The following CYSTM1 variants were observed in gnomAD, a reference collection of about 807,000 sequenced individuals.
CYSTM1 encodes cysteine-rich transmembrane module-containing protein 1.
A neutral mutation model predicts 13.1 loss-of-function variants in CYSTM1; 4 were observed. The observed-to-expected ratio is 0.31, with a 90% CI of 0.15 to 0.70. CYSTM1 has a LOEUF of 0.70. Ranked by LOEUF, CYSTM1 falls within the 30% of genes least tolerant of loss-of-function variation. The pLI is 0.72. For synonymous variants in CYSTM1, 36 were observed against 42.7 expected (o/e 0.84, Z 0.62); for missense variants, 96 against 121.6 (o/e 0.79, Z 0.99).
chr5:140,236,176 G>T (rs1174445339), intron 2 of CYSTM1, among the ~76,000 whole-genome samples: 1 of 152,186 alleles, frequency 6.6e-6, no homozygotes, highest in African/African-American at 2.4e-5. Flanking sequence ...CAAAAATAAA[G>T]TGAATTATTT....
intron 2 of CYSTM1, among the ~76,000 whole-genome samples, chr5:140,233,622 C>T (rs1466373370): frequency 6.6e-6 from 1 of 152,204 alleles, no homozygotes; most frequent in Admixed American, 6.5e-5. Context: ...GTTCCGGTGG[C>T]TCTGCATCTT....
chr5:140,211,308 C>G (rs1267476552), intron 2 of CYSTM1, among the ~76,000 whole-genome samples: 1 of 152,168 alleles, frequency 6.6e-6, no homozygotes, highest in Non-Finnish European at 1.5e-5. Flanking sequence ...AGTGATGGAG[C>G]TGAGATTCAA....
At chr5:140,217,073 C>A (rs762586442) in intron 2 of CYSTM1, among the ~76,000 whole-genome samples, 7 of 152,100 alleles carry the variant, frequency 4.6e-5, no homozygotes, top group Non-Finnish European at 7.4e-5. Flanking sequence ...AAAAAAAAAT[C>A]TCCATTAGGC....
chr5:140,236,241 G>C (rs1212288727), intron 2 of CYSTM1, among the ~76,000 whole-genome samples: 2 of 152,072 alleles, frequency 1.3e-5, no homozygotes, highest in African/African-American at 2.4e-5. Context: ...AACTCATCTG[G>C]ATAGAACCCA....
rs749536994 is a variant in CYSTM1, at chr5:140,243,455, C to T, written c.*44C>T. The T allele has an allele frequency of 8.3e-6, 13 of 1,557,358 alleles. No individual in the cohort carries two copies. Among genetic ancestry groups the T allele is most frequent in the Admixed American group, 6.8e-5 (4 of 58,450 alleles). On this transcript the variant is annotated 3_prime_UTR_variant, in exon 3 of 3. Coordinates refer to ENST00000261811, the MANE Select transcript of CYSTM1 (RefSeq NM_032412.4). ...CCTGTCCTGCCAGCTCTGCTGCCAC[C>T]TCTGACAGGTGTGCCTGCCCCCATC...
chr5:140,179,128 T>C (rs551311510), intron 1 of CYSTM1, among the ~76,000 whole-genome samples: 4 of 151,276 alleles, frequency 2.6e-5, no homozygotes, highest in South Asian at 2.1e-4. Context: ...GGGCATGTGG[T>C]ATGTGCCTGT....
At chr5:140,208,742 GAA>G (rs1198392054) in intron 2 of CYSTM1, among the ~76,000 whole-genome samples, 7 of 152,094 alleles carry the variant, frequency 4.6e-5, no homozygotes, top group Admixed American at 2.6e-4. Context: ...TATTTTTAAA[GAA>G]TTAAGGTCTT....
chr5:140,178,466 T>TTC (rs1491141331), intron 1 of CYSTM1, among the ~76,000 whole-genome samples: 1 of 111,098 alleles, frequency 9.0e-6, no homozygotes, highest in Admixed American at 9.2e-5. Flanking sequence ...TTTTTTTTTT[T>TTC]CAGAAACAGG....
intron 1 of CYSTM1, among the ~76,000 whole-genome samples, chr5:140,185,005 G>A (rs770217759): frequency 3.9e-5 from 6 of 152,186 alleles, no homozygotes; most frequent in Non-Finnish European, 7.3e-5. Context: ...ACATCTTTGT[G>A]TTATCTTAAT....
At chr5:140,182,564 C>T (rs1018751397) in intron 1 of CYSTM1, among the ~76,000 whole-genome samples, 5 of 151,196 alleles carry the variant, frequency 3.3e-5, no homozygotes, top group African/African-American at 4.9e-5. Flanking sequence ...TCTGTGCCAG[C>T]GTGCTCTTAG....
At position 140,193,847 on chromosome 5, in the gene CYSTM1, G is replaced by T. The variant is rs186283873; in HGVS notation, c.-20-599G>T. Among the ~76,000 whole-genome samples, 3 of 152,340 alleles carry T rather than the reference G, an allele frequency of 2.0e-5. No individual in the cohort carries two copies. The East Asian group carries it at 5.8e-4, about 29-fold the overall frequency. ...CTTGGCATTCTCTATAAACAGCGCT[G>T]TCCAACTGCTCAGAGCAGCGGGTCT... On this transcript the variant is annotated intron_variant, in intron 1 of 2. Transcript: ENST00000261811.
chr5:140,228,687 T>A (rs1480676757), intron 2 of CYSTM1: 1 of 398,804 alleles, frequency 2.5e-6, no homozygotes, highest in African/African-American at 2.1e-5. Flanking sequence ...CCCCTCTGAC[T>A]GGGTCTCTCT....
intron 2 of CYSTM1, among the ~76,000 whole-genome samples, chr5:140,238,476 C>G (rs1764710406): frequency 6.6e-6 from 1 of 152,208 alleles, no homozygotes; most frequent in Non-Finnish European, 1.5e-5. Context: ...CTATCACTCT[C>G]CCACTCAGCA....
rs1764717369 is a variant in CYSTM1, at chr5:140,239,067, T to C, written c.188-4238T>C. ...GAACCCTCTGGGAGGCTCTGGTCTT[T>C]CTGTTTGCCTTTCCCGCCTAGCTCT... On this transcript the variant is annotated intron_variant, in intron 2 of 2. Transcript: ENST00000261811. The surrounding 1 kb of genome is among the most constrained non-coding windows in gnomAD (Gnocchi z 5.4). 1.3e-5 allele frequency among the ~76,000 whole-genome samples: 2 copies of C among 152,120 alleles called. No individual in the cohort carries two copies.
At chr5:140,235,409 T>TC (rs1491275156) in intron 2 of CYSTM1, among the ~76,000 whole-genome samples, 2 of 37,514 alleles carry the variant, frequency 5.3e-5, no homozygotes, top group East Asian at 1.3e-3. Context: ...AAAACTTTCC[T>TC]TTTTTTTTTT....
rs1205434614 is a variant in CYSTM1, at chr5:140,226,597, TATATATATATATATAA to T, written c.188-16706_188-16691del. On this transcript the variant is annotated intron_variant, in intron 2 of 2. Coordinates refer to ENST00000261811, the MANE Select transcript of CYSTM1 (RefSeq NM_032412.4). ...TTATATACTAAATATTATATATATA[TATATATATATATATAA>T]AAATTAGCCAGATGTGATGGCGCAT... is the stretch of plus-strand genomic sequence containing the variant. Among the ~76,000 whole-genome samples the T allele has an allele frequency of 3.9e-5, 4 of 103,692 alleles. 1 individual carries two copies. Among genetic ancestry groups the T allele is most frequent in the Non-Finnish European group, 7.4e-5 (4 of 53,744 alleles). 68.0% of individuals were successfully genotyped at this position (103,692 alleles called of 152,430 possible).
intron 1 of CYSTM1, among the ~76,000 whole-genome samples, chr5:140,179,365 C>A (rs993460999): frequency 2.0e-5 from 3 of 151,874 alleles, no homozygotes; most frequent in Admixed American, 6.6e-5. Context: ...TCGAGACCAG[C>A]CTGGCCAACA....
chr5:140,188,318 C>A (rs1387431198), intron 1 of CYSTM1, among the ~76,000 whole-genome samples: 1 of 151,928 alleles, frequency 6.6e-6, no homozygotes, highest in Non-Finnish European at 1.5e-5. Context: ...GAACTCCTGG[C>A]CTCAAGTGAT....
chr5:140,204,774 C>CGTGT (rs10693083), intron 2 of CYSTM1, among the ~76,000 whole-genome samples: 2 of 151,420 alleles, frequency 1.3e-5, no homozygotes, highest in Non-Finnish European at 2.9e-5. Context: ...GTGCTGAGCG[C>CGTGT]GTGTGTGTGT....
Sources: gnomAD v4.1 joint callset for allele counts (sites outside exome capture counted in the v4.1 genomes callset) on GRCh38, gnomAD v4.1.1 for gene constraint, Gnocchi (gnomAD v3.1) non-coding constraint, MANE v1.5 for transcripts, NCBI Gene and HGNC (gene_info 2026-07-23, HGNC 2026-07-21) for gene names.